The following MDGA2 variants were observed in gnomAD, a reference collection of about 807,000 sequenced individuals.
MDGA2 encodes MAM domain containing glycosylphosphatidylinositol anchor 2.
A neutral mutation model predicts 117.8 loss-of-function variants in MDGA2; 40 were observed. The observed-to-expected ratio is 0.34, with a 90% CI of 0.26 to 0.44. The LOEUF (loss-of-function observed/expected upper bound fraction) is 0.44, where lower values mean the gene tolerates loss of function less well. MDGA2 is among the 20% of genes least tolerant of loss of function. MDGA2 has a pLI of 1.00. For missense variants in MDGA2, 1,123 were observed against 1,250.6 expected, an observed-to-expected ratio of 0.90 and a Z score of 1.54; for synonymous variants, 452 against 439.0, an observed-to-expected ratio of 1.03 and a Z score of -0.37.
intron 1 of MDGA2, among the ~76,000 whole-genome samples, chr14:47,318,959 T>C (rs984435033): frequency 1.3e-5 from 2 of 152,218 alleles, no homozygotes; most frequent in African/African-American, 4.8e-5. Flanking sequence ...ATGAAACTAA[T>C]TCAGGTCAAT....
intron 10 of MDGA2, among the ~76,000 whole-genome samples, chr14:46,892,884 C>T (rs566427262): frequency 4.6e-5 from 7 of 151,884 alleles, no homozygotes; most frequent in Admixed American, 2.0e-4. Flanking sequence ...TAGAGATAAA[C>T]GAAACCTCTA....
intron 2 of MDGA2, among the ~76,000 whole-genome samples, chr14:47,272,047 A>T (rs1888162604): frequency 6.6e-6 from 1 of 152,164 alleles, no homozygotes; most frequent in Non-Finnish European, 1.5e-5. Flanking sequence ...AACCTTGACA[A>T]AGTCAAATGA....
intron 1 of MDGA2, among the ~76,000 whole-genome samples, chr14:47,418,569 G>A (rs77495525): frequency 0.032 from 4,888 of 152,128 alleles, 81 homozygotes; most frequent in South Asian, 0.054. Context: ...CCATTTATCG[G>A]GGATCCAACC....
chr14:47,607,950 AT>A (rs11332680), intron 1 of MDGA2, among the ~76,000 whole-genome samples: 12,251 of 151,148 alleles, frequency 0.081, 492 homozygotes, highest in Middle Eastern at 0.099. Flanking sequence ...CATCACAGCC[AT>A]TTTTTTTTCT....
At chr14:46,885,009 G>T (rs887390324) in intron 10 of MDGA2, among the ~76,000 whole-genome samples, 2 of 151,826 alleles carry the variant, frequency 1.3e-5, no homozygotes, top group Non-Finnish European at 2.9e-5. Flanking sequence ...ACCACGCCTG[G>T]CTAATTTTTT....
At chr14:47,024,763 G>T (rs1888414161) in intron 8 of MDGA2, among the ~76,000 whole-genome samples, 1 of 152,084 alleles carries the variant, frequency 6.6e-6, no homozygotes, top group African/African-American at 2.4e-5. Flanking sequence ...TGTCTTAATG[G>T]TATATAATCA....
intron 2 of MDGA2, among the ~76,000 whole-genome samples, chr14:47,237,290 T>C (rs572124092): frequency 6.6e-6 from 1 of 152,164 alleles, no homozygotes; most frequent in Non-Finnish European, 1.5e-5. Flanking sequence ...GAACTCTAAC[T>C]TCTAACATAA....
chr14:47,257,395 A>G (rs1447887823), intron 2 of MDGA2, among the ~76,000 whole-genome samples: 1 of 152,056 alleles, frequency 6.6e-6, no homozygotes, highest in Non-Finnish European at 1.5e-5. Flanking sequence ...TTTTTGCTCA[A>G]ATATCAGCTT....
chr14:47,401,309 G>T (rs778791933), intron 1 of MDGA2, among the ~76,000 whole-genome samples: 1 of 152,088 alleles, frequency 6.6e-6, no homozygotes, highest in Non-Finnish European at 1.5e-5. Flanking sequence ...CTTTAGGGAA[G>T]ATGACAGGAA....
At position 47,099,542 on chromosome 14, in the gene MDGA2, G is replaced by A. The variant is rs111960945; in HGVS notation, c.926-2419C>T. 7.4e-4 allele frequency among the ~76,000 whole-genome samples: 113 copies of A among 152,040 alleles called. 2 individuals are homozygous for A. Among genetic ancestry groups the A allele is most frequent in the African/African-American group, 2.6e-3 (110 of 41,544 alleles). On this transcript the variant is annotated intron_variant, in intron 5 of 16. Transcript: ENST00000399232. ...TAGGTTTCCATAGCTACCCCTGCCAGTTTTTTCTTCATATTACCTTGTATA... is the reference window on the plus strand; with the variant it reads ...TAGGTTTCCATAGCTACCCCTGCCAATTTTTTCTTCATATTACCTTGTATA...
At chr14:47,000,209 A>T (rs377647298) in intron 8 of MDGA2, among the ~76,000 whole-genome samples, 1 of 150,150 alleles carries the variant, frequency 6.7e-6, no homozygotes, top group Non-Finnish European at 1.5e-5. Context: ...AGACATAATT[A>T]TATCTATTTA....
intron 2 of MDGA2, among the ~76,000 whole-genome samples, chr14:47,285,429 A>G (rs1438588477): frequency 6.6e-6 from 1 of 152,186 alleles, no homozygotes; most frequent in African/African-American, 2.4e-5. Context: ...ATAAATCATA[A>G]GCAGTAAATT....
chr14:47,403,685 G>C (rs1228026097), intron 1 of MDGA2, among the ~76,000 whole-genome samples: 1 of 152,092 alleles, frequency 6.6e-6, no homozygotes, highest in African/African-American at 2.4e-5. Flanking sequence ...AATGGAGTTT[G>C]AATTTGCGTG....
intron 1 of MDGA2, among the ~76,000 whole-genome samples, chr14:47,331,618 T>A (rs1052495027): frequency 6.6e-6 from 1 of 151,942 alleles, no homozygotes; most frequent in South Asian, 2.1e-4. Context: ...ATATTTTTCC[T>A]GGTTATTTTA....
chr14:47,635,673 T>G (rs2138233224), intron 1 of MDGA2, among the ~76,000 whole-genome samples: 1 of 152,314 alleles, frequency 6.6e-6, no homozygotes, highest in East Asian at 1.9e-4. Flanking sequence ...TTATCTGATT[T>G]AAATCTGTCT....
chr14:47,650,118 G>C (rs897197585), intron 1 of MDGA2, among the ~76,000 whole-genome samples: 1 of 152,142 alleles, frequency 6.6e-6, no homozygotes, highest in African/African-American at 2.4e-5. Flanking sequence ...GCAGACCCTT[G>C]CCCAAATAAA....
At chr14:47,211,006 G>T (rs1296999465) in intron 3 of MDGA2, among the ~76,000 whole-genome samples, 1 of 152,066 alleles carries the variant, frequency 6.6e-6, no homozygotes, top group Non-Finnish European at 1.5e-5. Flanking sequence ...CATAAAAAAA[G>T]AAAGTTACAA....
chr14:47,483,392 A>G (rs1460145301), intron 1 of MDGA2, among the ~76,000 whole-genome samples: 1 of 152,050 alleles, frequency 6.6e-6, no homozygotes, highest in Non-Finnish European at 1.5e-5. Flanking sequence ...ACAAACAATC[A>G]TCATAATCAT....
chr14:47,220,750 GT>G (rs1886268738), intron 2 of MDGA2, among the ~76,000 whole-genome samples: 2 of 152,148 alleles, frequency 1.3e-5, no homozygotes. Flanking sequence ...ATGGAGGTCA[GT>G]TTGTCTTCAG....
Sources: allele counts gnomAD v4.1 joint callset (sites outside exome capture counted in the v4.1 genomes callset), GRCh38; gene constraint gnomAD v4.1.1; transcripts MANE v1.5; gene names NCBI Gene and HGNC (gene_info 2026-07-23, HGNC 2026-07-21).